Variants in DSCAML1 observed in about 807,000 individuals in gnomAD.
DSCAML1 encodes cell adhesion molecule DSCAML1.
In DSCAML1, 38 loss-of-function variants were observed where a neutral mutation model predicts 200.5. The ratio of observed to expected loss-of-function variants is 0.19; its 90% CI spans 0.15 to 0.25. The LOEUF is 0.25. Ranked by LOEUF, DSCAML1 falls within the 10% of genes least tolerant of loss-of-function variation. The pLI is 1.00. For synonymous variants in DSCAML1, 1,215 were observed against 1,165.0 expected (o/e 1.04, Z -0.87); for missense variants, 2,223 against 2,858.8 (o/e 0.78, Z 5.07).
At position 117,430,846 on chromosome 11, in the gene DSCAML1, G is replaced by A. The variant is rs767772712; in HGVS notation, c.5562C>T (p.Ser1854=). Residue 1854 remains serine, a synonymous_variant, in exon 32 of 33, where the codon AGC becomes AGT. Coordinates refer to ENST00000651296, the MANE Select transcript of DSCAML1 (RefSeq NM_020693.4). ...MTTGTNENAD[S]MTSMSTPSEP... ...CTGAGGGTGTGCTCATGGATGTCAT[G>A]CTGTCGGCGTTCTCGTTGGTGCCTG... The A allele has an allele frequency of 1.2e-6, 2 of 1,614,050 alleles. No individual in the cohort carries two copies. The highest frequency in any genetic ancestry group is 4.5e-5 in the East Asian group (2 of 44,904).
chr11:117,603,101 A>C (rs2051495797), intron 3 of DSCAML1, among the ~76,000 whole-genome samples: 1 of 152,124 alleles, frequency 6.6e-6, no homozygotes, highest in Non-Finnish European at 1.5e-5. Flanking sequence ...TCCCAACAAA[A>C]CAAACAACAA....
At chr11:117,745,158 G>C (rs1200131035) in intron 3 of DSCAML1, among the ~76,000 whole-genome samples, 2 of 151,994 alleles carry the variant, frequency 1.3e-5, no homozygotes, top group South Asian at 2.1e-4. Flanking sequence ...GTGGTCATCT[G>C]GGTGGGGGGG....
intron 3 of DSCAML1, among the ~76,000 whole-genome samples, chr11:117,736,997 T>C (rs2054328452): frequency 1.3e-5 from 2 of 152,164 alleles, no homozygotes; most frequent in Non-Finnish European, 1.5e-5. Context: ...CGAGACCACA[T>C]TGTCAAGCAC....
Position 117,504,810 on chromosome 11 carries a change from G to A in DSCAML1, c.2182+114C>T. On this transcript the variant is annotated intron_variant, in intron 10 of 32. Coordinates refer to ENST00000651296, the MANE Select transcript of DSCAML1 (RefSeq NM_020693.4). This position sits in a 1 kb window ranked among gnomAD's most constrained non-coding sequence, Gnocchi z 5.0. ...GGGTCCACTGGGGTGCAGACCAGAG[G>A]ACTCCCATCCAGGGATAGGAGTTGC... The A allele has an allele frequency of 1.4e-6, 2 of 1,381,562 alleles. No homozygotes were observed. The highest frequency in any genetic ancestry group is 4.9e-5 in the Admixed American group (2 of 40,728). The allele number at this position is 1,381,562 out of a possible 1,614,324, so 85.6% of individuals were successfully genotyped here.
At chr11:117,810,989 A>G (rs2055756175) in intron 1 of DSCAML1, among the ~76,000 whole-genome samples, 1 of 151,898 alleles carries the variant, frequency 6.6e-6, no homozygotes, top group South Asian at 2.1e-4. Context: ...GCTAGGTCCC[A>G]TTTCTTCCTC....
At chr11:117,644,336 C>G (rs2052475808) in intron 3 of DSCAML1, among the ~76,000 whole-genome samples, 1 of 152,256 alleles carries the variant, frequency 6.6e-6, no homozygotes, top group Non-Finnish European at 1.5e-5. Flanking sequence ...AAGGGGATTT[C>G]TGCGCACGGC....
chr11:117,690,256 TC>T (rs2053473179), intron 3 of DSCAML1, among the ~76,000 whole-genome samples: 1 of 152,290 alleles, frequency 6.6e-6, no homozygotes, highest in African/African-American at 2.4e-5. Context: ...GGCACTGTGA[TC>T]CCTGCCCTCA....
At chr11:117,702,147 T>C (rs1428769741) in intron 3 of DSCAML1, among the ~76,000 whole-genome samples, 1 of 152,116 alleles carries the variant, frequency 6.6e-6, no homozygotes, top group Non-Finnish European at 1.5e-5. Flanking sequence ...TCCAGAATGA[T>C]CTCTCTCAAA....
At chr11:117,512,793 A>C (rs148875359) in intron 8 of DSCAML1, among the ~76,000 whole-genome samples, 1 of 146,726 alleles carries the variant, frequency 6.8e-6, no homozygotes, top group African/African-American at 2.5e-5. Flanking sequence ...ACACACACAC[A>C]CACACACACC....
chr11:117,428,362 G>A lies in DSCAML1; in HGVS notation c.6128C>T (p.Ala2043Val). 10 of 1,584,050 alleles carry A rather than the reference G, an allele frequency of 6.3e-6. No homozygotes were observed. The highest frequency in any genetic ancestry group is 1.1e-5 in the South Asian group (1 of 88,802). Residue 2043 changes from alanine (A) to valine (V), a missense_variant, in exon 33 of 33, where the codon GCC becomes GTC. By Grantham distance (64) the Ala-to-Val change is moderately conservative (BLOSUM62 0). Around this residue, in one of 7 missense-constraint regions of DSCAML1, gnomAD observed 280 missense variants for 213.4 expected, o/e 1.31. Transcript: ENST00000651296. ...SGVGRSQKQG[A>V]GAYSKSYTLV ...GGTGTAGGATTTGGAGTAGGCCCCGGCCCCCTGCTTCTGAGACCTCCCTAC... is the reference window on the plus strand; with the variant it reads ...GGTGTAGGATTTGGAGTAGGCCCCGACCCCCTGCTTCTGAGACCTCCCTAC...
Position 117,816,808 on chromosome 11 carries a change from G to GGGC in DSCAML1, c.-250+581_-250+582insGCC, listed in dbSNP as rs1555038478. 7.6e-3 allele frequency among the ~76,000 whole-genome samples: 969 copies of GGGC among 128,188 alleles called. 25 individuals carry two copies. Among genetic ancestry groups the GGGC allele is most frequent in the African/African-American group, 0.023 (877 of 38,166 alleles). The allele number at this position is 128,188 out of a possible 152,430, so 84.1% of individuals were successfully genotyped here. A position where few individuals can be genotyped will look rare whatever the true frequency, so the allele number is the denominator to read the frequency against. On this transcript the variant is annotated intron_variant, in intron 1 of 2. Coordinates refer to the DSCAML1 transcript ENST00000525836. The stretch of plus-strand genomic sequence containing the variant: ...AGAGTTCGGAATTGCTGGGGGGGTG[G>GGGC]GGTGGAGATTTCTCCTGATGCCCCA...
Position 117,504,875 on chromosome 11 carries a change from T to C in DSCAML1, c.2182+49A>G. On this transcript the variant is annotated intron_variant, in intron 10 of 32. Coordinates refer to ENST00000651296, the MANE Select transcript of DSCAML1 (RefSeq NM_020693.4). This position sits in a 1 kb window ranked among gnomAD's most constrained non-coding sequence, Gnocchi z 5.0. ...TTCAAATCCCACAGAGCATCCTCCGTTCCCCGTCCCTGCCCTTCTTGGAGA... is the reference window on the plus strand; with the variant it reads ...TTCAAATCCCACAGAGCATCCTCCGCTCCCCGTCCCTGCCCTTCTTGGAGA... The C allele has an allele frequency of 6.4e-7, 1 of 1,565,658 alleles. No homozygotes were observed. Among genetic ancestry groups the C allele is most frequent in the Non-Finnish European group, 8.7e-7 (1 of 1,151,036 alleles).
At chr11:117,797,262 G>T (rs776911771), upstream of DSCAML1, 8 of 1,402,392 alleles carry the variant, frequency 5.7e-6, no homozygotes, top group Non-Finnish European at 7.4e-6. Context: ...CCTGTCATCC[G>T]CGGGGCTGGG....
At chr11:117,515,485 C>G (rs1027319217) in intron 8 of DSCAML1, among the ~76,000 whole-genome samples, 2 of 152,064 alleles carry the variant, frequency 1.3e-5, no homozygotes, top group African/African-American at 4.8e-5. Flanking sequence ...CTCACATGCT[C>G]ATGTATTTGA....
chr11:117,536,732 A>G (rs1182187497), intron 3 of DSCAML1, among the ~76,000 whole-genome samples: 3 of 152,128 alleles, frequency 2.0e-5, no homozygotes, highest in South Asian at 2.1e-4. Context: ...TGCTTGATTG[A>G]TTGACATATT....
intron 3 of DSCAML1, among the ~76,000 whole-genome samples, chr11:117,590,754 G>A (rs937118373): frequency 6.6e-6 from 1 of 152,200 alleles, no homozygotes; most frequent in Non-Finnish European, 1.5e-5. Context: ...ATGTCCCAGG[G>A]TGATGGCTAG....
chr11:117,687,384 G>A (rs560816019), intron 3 of DSCAML1, among the ~76,000 whole-genome samples: 3 of 149,560 alleles, frequency 2.0e-5, no homozygotes, highest in South Asian at 2.1e-4. Flanking sequence ...CCTCAGCCTC[G>A]CAAGTAATTA....
At chr11:117,620,220 C>T (rs1250509722) in intron 3 of DSCAML1, among the ~76,000 whole-genome samples, 2 of 152,142 alleles carry the variant, frequency 1.3e-5, no homozygotes, top group Admixed American at 1.3e-4. Context: ...GATGAGGAAG[C>T]AGCTCCAGCC....
At chr11:117,563,065 T>C (rs904357872) in intron 3 of DSCAML1, among the ~76,000 whole-genome samples, 1 of 152,198 alleles carries the variant, frequency 6.6e-6, no homozygotes, top group African/African-American at 2.4e-5. Flanking sequence ...AACTGCTTGC[T>C]GAAATGAAGT....
Sources: allele counts gnomAD v4.1 joint callset (sites outside exome capture counted in the v4.1 genomes callset), GRCh38; gene constraint gnomAD v4.1.1; regional missense constraint gnomAD v4.1.1; non-coding constraint Gnocchi (gnomAD v3.1); transcripts MANE v1.5; gene names NCBI Gene and HGNC (gene_info 2026-07-23, HGNC 2026-07-21).